Variants in PCDHGB6 observed in about 807,000 individuals in gnomAD.
PCDHGB6 encodes protocadherin gamma subfamily B, 6.
In PCDHGB6, 51 loss-of-function variants were observed where a neutral mutation model predicts 59.1. That is an observed-to-expected ratio of 0.86 (90% CI 0.69 to 1.09). The LOEUF is 1.09. Ranked by LOEUF, PCDHGB6 falls within the 50% of genes least tolerant of loss-of-function variation. The pLI is 0.00. For missense variants in PCDHGB6, 1,148 were observed against 1,205.1 expected (o/e 0.95, Z 0.70); for synonymous variants, 466 against 495.1 (o/e 0.94, Z 0.78).
Position 141,485,875 on chromosome 5 carries a change from C to T in PCDHGB6, c.2419-8932C>T, listed in dbSNP as rs1254918181. The T allele has an allele frequency of 1.9e-6, 3 of 1,614,150 alleles. No homozygotes were observed. The highest frequency in any genetic ancestry group is 2.2e-5 in the East Asian group (1 of 44,862). On this transcript the variant is annotated intron_variant, in intron 1 of 3. Transcript: ENST00000520790. This position sits in a 1 kb window ranked among gnomAD's most constrained non-coding sequence, Gnocchi z 5.7. ...CAGAGCTCCGGGTATCCGTGCTGGACGTAAACGACAACGCCCCAGCCTTCC... is the reference window on the plus strand; with the variant it reads ...CAGAGCTCCGGGTATCCGTGCTGGATGTAAACGACAACGCCCCAGCCTTCC...
At chr5:141,439,547 T>C (rs2098120171) in intron 1 of PCDHGB6, among the ~76,000 whole-genome samples, 2 of 152,180 alleles carry the variant, frequency 1.3e-5, no homozygotes, top group Non-Finnish European at 2.9e-5. Context: ...CTCTCATTTC[T>C]TCAGGCTGCA....
In PCDHGB6 at chr5:141,476,839, G is replaced by T; in HGVS notation, c.2419-17968G>T. The T allele has an allele frequency of 1.9e-6, 3 of 1,613,610 alleles. No individual in the cohort carries two copies. Among genetic ancestry groups the T allele is most frequent in the East Asian group, 2.2e-5 (1 of 44,862 alleles). ...AGGTGCTGGACGCGAATGACAATGC[G>T]CCTGTCTTCAACCAGTCCTTGTACC... On this transcript the variant is annotated intron_variant, in intron 1 of 3. Coordinates refer to ENST00000520790, the MANE Select transcript of PCDHGB6 (RefSeq NM_018926.3). This position sits in a 1 kb window ranked among gnomAD's most constrained non-coding sequence, Gnocchi z 7.6.
intron 1 of PCDHGB6, among the ~76,000 whole-genome samples, chr5:141,458,248 G>A (rs173682): frequency 3.3e-5 from 5 of 152,112 alleles, no homozygotes; most frequent in African/African-American, 9.7e-5. Flanking sequence ...AAAATGATAC[G>A]GCTCTGATGA....
chr5:141,489,459 C>T lies in PCDHGB6; in HGVS notation c.2419-5348C>T. The T allele has an allele frequency of 6.2e-7, 1 of 1,614,086 alleles. No homozygotes were observed. The highest frequency in any genetic ancestry group is 8.5e-7 in the Non-Finnish European group (1 of 1,180,012). On this transcript the variant is annotated intron_variant, in intron 1 of 3. Coordinates refer to ENST00000520790, the MANE Select transcript of PCDHGB6 (RefSeq NM_018926.3). The surrounding 1 kb of genome is among the most constrained non-coding windows in gnomAD (Gnocchi z 4.5). The stretch of plus-strand genomic sequence containing the variant: ...AATTGGGCTCTGAGGAGAATGGGCG[C>T]TATTTTTCCCTGAGCTTGATGAGTG...
At chr5:141,510,272 T>TAAAA (rs546154379) in intron 3 of PCDHGB6, among the ~76,000 whole-genome samples, 4 of 130,388 alleles carry the variant, frequency 3.1e-5, no homozygotes, top group Non-Finnish European at 4.9e-5. Context: ...GACTCCATCT[T>TAAAA]AAAAAAAAAA....
rs898536568 is a variant in PCDHGB6 at position 141,478,080 on chromosome 5, C to T, written c.2419-16727C>T. The T allele has an allele frequency of 1.9e-6, 3 of 1,614,012 alleles. No homozygotes were observed. The Admixed American group carries it at 5.0e-5, about 27-fold the overall frequency. The stretch of plus-strand genomic sequence containing the variant: ...TTGATCAAAGACAATGGGGAGCCTT[C>T]GCTCTCCACCACTGCTACCCTCACT... On this transcript the variant is annotated intron_variant, in intron 1 of 3. Coordinates refer to ENST00000520790, the MANE Select transcript of PCDHGB6 (RefSeq NM_018926.3).
At position 141,510,993 on chromosome 5, in the gene PCDHGB6, G is replaced by A. The variant is rs1457918073; in HGVS notation, c.2613G>A (p.Met871Ile). The A allele has an allele frequency of 4.3e-6, 7 of 1,614,046 alleles. No homozygotes were observed. Among genetic ancestry groups the A allele is most frequent in the African/African-American group, 1.3e-5 (1 of 74,906 alleles). ...CCCTGGGAGGGGGTGCCGGCACCAT[G>A]GGATTGAGCGCCCGCTACGGACCCC... ...SSTLGGGAGT[M>I]GLSARYGPQF... The change falls in exon 4 of 4, where the codon ATG (methionine) becomes ATA (isoleucine). Residue 871 changes from methionine to isoleucine, a missense_variant. Transcript: ENST00000520790.
At position 141,432,660 on chromosome 5, in the gene PCDHGB6, A is replaced by G; in HGVS notation, c.2418+22040A>G. The G allele has an allele frequency of 6.2e-7, 1 of 1,613,768 alleles. No individual in the cohort carries two copies. Among genetic ancestry groups the G allele is most frequent in the African/African-American group, 1.3e-5 (1 of 75,026 alleles). ...GTGCGCACGGCGCGAGCCCTGCTGG[A>G]CAGAGACGCGCTCAAGCAGAGCCTC... On this transcript the variant is annotated intron_variant, in intron 1 of 3. Coordinates refer to ENST00000520790, the MANE Select transcript of PCDHGB6 (RefSeq NM_018926.3). The surrounding 1 kb of genome is among the most constrained non-coding windows in gnomAD (Gnocchi z 6.0).
intron 1 of PCDHGB6, among the ~76,000 whole-genome samples, chr5:141,450,162 A>T (rs2098671900): frequency 6.6e-6 from 1 of 151,624 alleles, no homozygotes; most frequent in Admixed American, 6.6e-5. Flanking sequence ...ATGTGCCACC[A>T]CACTCCCACC....
intron 1 of PCDHGB6, chr5:141,433,013 AC>A: frequency 6.2e-7 from 1 of 1,614,018 alleles, no homozygotes; most frequent in Non-Finnish European, 8.5e-7. Flanking sequence ...TTTCCTGCAG[AC>A]CTATTCCCAC....
At chr5:141,500,877 A>C (rs2099803156) in intron 2 of PCDHGB6, among the ~76,000 whole-genome samples, 1 of 122,292 alleles carries the variant, frequency 8.2e-6, no homozygotes, top group African/African-American at 3.9e-5. Flanking sequence ...TTCATTTACA[A>C]TTTTTTTTTT....
rs1414835001 is a variant in PCDHGB6 at position 141,476,225 on chromosome 5, A to T, written c.2419-18582A>T. 1.2e-6 allele frequency: 2 copies of T among 1,613,882 alleles called. No individual in the cohort carries two copies. Among genetic ancestry groups the T allele is most frequent in the Non-Finnish European group, 1.7e-6 (2 of 1,180,012 alleles). ...GGCTTCCACGGTCATTCACTATGAG[A>T]TCCCGGAGGAAAGAGAGAAGGGTTT... On this transcript the variant is annotated intron_variant, in intron 1 of 3. Transcript: ENST00000520790. This position sits in a 1 kb window ranked among gnomAD's most constrained non-coding sequence, Gnocchi z 7.6.
At chr5:141,414,422 G>T (rs369608304) in intron 1 of PCDHGB6, 1 of 1,613,866 alleles carries the variant, frequency 6.2e-7, no homozygotes, top group Non-Finnish European at 8.5e-7. Context: ...GCCCTTGACA[G>T]GGAACAGGTA....
In PCDHGB6 at chr5:141,432,976, C is replaced by T; in HGVS notation, c.2418+22356C>T. 1 of 1,614,210 alleles carries T rather than the reference C, an allele frequency of 6.2e-7. No individual in the cohort carries two copies. On this transcript the variant is annotated intron_variant, in intron 1 of 3. Transcript: ENST00000520790. The surrounding 1 kb of genome is among the most constrained non-coding windows in gnomAD (Gnocchi z 6.0). Reference sequence around the variant, plus strand: ...GCTTGACAGGAGCGCCGGCGTCGCACTTTGTGGGCGTGGACGGGGTGCAGG... The same window carrying T: ...GCTTGACAGGAGCGCCGGCGTCGCATTTTGTGGGCGTGGACGGGGTGCAGG...
In PCDHGB6 at chr5:141,410,191, C is replaced by G; in HGVS notation, c.1989C>G (p.Val663=). 1.2e-6 allele frequency: 2 copies of G among 1,613,994 alleles called. No homozygotes were observed. The highest frequency in any genetic ancestry group is 1.7e-6 in the Non-Finnish European group (2 of 1,179,864). Residue 663 remains valine, a synonymous_variant, in exon 1 of 4, where the codon GTC becomes GTG. Transcript: ENST00000520790. ...PLSATATLHL[V]FADNLQEILP... ...CTGCCACCGCCACGCTTCATCTGGT[C>G]TTCGCAGACAACTTGCAAGAGATAC...
chr5:141,453,930 T>G (rs944390811), intron 1 of PCDHGB6, among the ~76,000 whole-genome samples: 10 of 152,242 alleles, frequency 6.6e-5, no homozygotes, highest in Non-Finnish European at 1.0e-4. Flanking sequence ...AGTCACTGTG[T>G]GCCTATAATT....
chr5:141,459,444 T>C (rs1485634547), intron 1 of PCDHGB6, among the ~76,000 whole-genome samples: 1 of 152,244 alleles, frequency 6.6e-6, no homozygotes, highest in Non-Finnish European at 1.5e-5. Context: ...TTCATTCAAC[T>C]GTTGGTGGAC....
At chr5:141,460,864 A>C (rs1220160866) in intron 1 of PCDHGB6, among the ~76,000 whole-genome samples, 1 of 151,800 alleles carries the variant, frequency 6.6e-6, no homozygotes, top group East Asian at 1.9e-4. Flanking sequence ...AAGTTGCTGC[A>C]AAGGACATTA....
intron 1 of PCDHGB6, chr5:141,423,253 C>T (rs750278899): frequency 6.2e-7 from 1 of 1,613,916 alleles, no homozygotes; most frequent in Non-Finnish European, 8.5e-7. Flanking sequence ...CCTGGCGGAC[C>T]TCGGCAGCCT....
Sources: gnomAD v4.1 joint callset for allele counts (sites outside exome capture counted in the v4.1 genomes callset) on GRCh38, gnomAD v4.1.1 for gene constraint, Gnocchi (gnomAD v3.1) non-coding constraint, MANE v1.5 for transcripts, NCBI Gene and HGNC (gene_info 2026-07-23, HGNC 2026-07-21) for gene names.